Variants in PDE8A observed in about 807,000 individuals in gnomAD.
The protein encoded by PDE8A is phosphodiesterase 8A, also known as high affinity cAMP-specific and IBMX-insensitive 3',5'-cyclic phosphodiesterase 8A.
A neutral mutation model predicts 105.0 loss-of-function variants in PDE8A; 59 were observed. That is an observed-to-expected ratio of 0.56 (90% CI 0.46 to 0.70). PDE8A has a LOEUF of 0.70. Ranked by LOEUF, PDE8A falls within the 30% of genes least tolerant of loss-of-function variation. The pLI is 0.00. For synonymous variants in PDE8A, 355 were observed against 371.9 expected, an observed-to-expected ratio of 0.95 and a Z score of 0.52; for missense variants, 1,014 against 1,045.9, an observed-to-expected ratio of 0.97 and a Z score of 0.42.
chr15:85,047,476 T>C (rs1435561799), intron 1 of PDE8A, among the ~76,000 whole-genome samples: 2 of 152,196 alleles, frequency 1.3e-5, no homozygotes, highest in African/African-American at 4.8e-5. Flanking sequence ...ATATACCCCG[T>C]AGACAGGATG....
chr15:85,122,958 T>C (rs2082204139), intron 18 of PDE8A, 103 bp from the exon 19 acceptor site: 2 of 1,181,326 alleles, frequency 1.7e-6, no homozygotes, highest in Admixed American at 2.1e-5. Flanking sequence ...ATTAGATTTA[T>C]AGCTGCAGAG....
chr15:85,038,953 C>T (rs928867011), intron 1 of PDE8A, among the ~76,000 whole-genome samples: 1 of 152,070 alleles, frequency 6.6e-6, no homozygotes, highest in African/African-American at 2.4e-5. Context: ...GAAACCCCGT[C>T]TCTACTAAAG....
chr15:85,015,320 G>T (rs562071672), intron 1 of PDE8A, among the ~76,000 whole-genome samples: 1 of 151,346 alleles, frequency 6.6e-6, no homozygotes, highest in Admixed American at 6.6e-5. Context: ...TCGACCTCCC[G>T]GGCTCAGGTG....
chr15:85,090,861 T>G (rs1208875040), intron 7 of PDE8A, 183 bp from the exon 8 acceptor site: 3 of 664,332 alleles, frequency 4.5e-6, no homozygotes, highest in Non-Finnish European at 8.3e-6. Flanking sequence ...CAGAAGCTCG[T>G]CTGGGCTCCA....
chr15:85,126,495 C>A, intron 20 of PDE8A, 121 bp downstream of exon 20: 1 of 693,150 alleles, frequency 1.4e-6, no homozygotes, highest in Non-Finnish European at 2.1e-6. Flanking sequence ...CCTTGTTTTG[C>A]AAGGTAACAA....
chr15:85,106,426 A>C (rs1390447892), intron 11 of PDE8A, among the ~76,000 whole-genome samples: 1 of 152,078 alleles, frequency 6.6e-6, no homozygotes, highest in African/African-American at 2.4e-5. Context: ...TCACCTCCCT[A>C]ATGCCTAGCT....
intron 1 of PDE8A, among the ~76,000 whole-genome samples, chr15:85,004,511 C>A (rs542929283): frequency 6.6e-6 from 1 of 152,344 alleles, no homozygotes; most frequent in East Asian, 1.9e-4. Context: ...TTGTGAAGTC[C>A]TACCAAACCT....
chr15:85,017,452 T>G (rs1012384620), intron 1 of PDE8A, among the ~76,000 whole-genome samples: 3 of 84,790 alleles, frequency 3.5e-5, no homozygotes, highest in Non-Finnish European at 9.2e-5. Flanking sequence ...AGTCTCTTAT[T>G]GCATTGGATA....
intron 1 of PDE8A, among the ~76,000 whole-genome samples, chr15:85,015,961 C>T (rs1233268270): frequency 6.6e-6 from 1 of 152,074 alleles, no homozygotes; most frequent in East Asian, 1.9e-4. Flanking sequence ...CATGGCAAAA[C>T]CTCGTCTCTA....
intron 11 of PDE8A, among the ~76,000 whole-genome samples, chr15:85,102,832 T>G (rs1055197797): frequency 1.7e-5 from 2 of 117,282 alleles, no homozygotes; most frequent in Non-Finnish European, 1.8e-5. Flanking sequence ...AGAGTGAAAC[T>G]CCATCTCAAA....
intron 12 of PDE8A, among the ~76,000 whole-genome samples, chr15:85,110,825 C>G (rs372049802): frequency 3.9e-5 from 6 of 152,286 alleles, no homozygotes; most frequent in African/African-American, 1.4e-4. Flanking sequence ...GCAAATGGTG[C>G]TCTCCAGTTT....
At chr15:85,043,193 A>G (rs965471138) in intron 1 of PDE8A, among the ~76,000 whole-genome samples, 2 of 152,220 alleles carry the variant, frequency 1.3e-5, no homozygotes, top group East Asian at 1.9e-4. Context: ...CTAATTTGTT[A>G]ATCAATTGAT....
intron 1 of PDE8A, among the ~76,000 whole-genome samples, chr15:85,038,184 A>C (rs1202478060): frequency 1.3e-5 from 2 of 151,490 alleles, no homozygotes; most frequent in African/African-American, 4.9e-5. Context: ...TATTAGTGTC[A>C]TCTAACTCTG....
intron 1 of PDE8A, among the ~76,000 whole-genome samples, chr15:85,044,649 C>G (rs574451503): frequency 2.6e-5 from 4 of 152,224 alleles, no homozygotes; most frequent in Admixed American, 1.3e-4. Context: ...CCTGATCACT[C>G]TCTCCAAAAC....
At chr15:85,108,303 A>G (rs577835954) in intron 11 of PDE8A, among the ~76,000 whole-genome samples, 1 of 152,154 alleles carries the variant, frequency 6.6e-6, no homozygotes, top group African/African-American at 2.4e-5. Context: ...CAGAGAAGCT[A>G]CTCCATGGCT....
At chr15:85,127,344 A>G (rs2082272695) in intron 20 of PDE8A, among the ~76,000 whole-genome samples, 1 of 152,202 alleles carries the variant, frequency 6.6e-6, no homozygotes, top group African/African-American at 2.4e-5. Flanking sequence ...GACAAAGGAG[A>G]GAGAGGTTTA....
At chr15:85,126,635 A>G (rs2082263084) in intron 20 of PDE8A, among the ~76,000 whole-genome samples, 2 of 151,846 alleles carry the variant, frequency 1.3e-5, no homozygotes, top group African/African-American at 4.8e-5. Flanking sequence ...TTAAGGAGTC[A>G]TCTGGTCTTC....
intron 5 of PDE8A, among the ~76,000 whole-genome samples, chr15:85,078,787 G>T (rs539763401): frequency 6.6e-6 from 1 of 152,258 alleles, no homozygotes; most frequent in African/African-American, 2.4e-5. Flanking sequence ...AAAATGGTCT[G>T]TATAGGGTAA....
intron 20 of PDE8A, among the ~76,000 whole-genome samples, chr15:85,131,338 A>C (rs1332923536): frequency 1.3e-5 from 2 of 152,186 alleles, no homozygotes; most frequent in Non-Finnish European, 2.9e-5. Context: ...TATGTCTTAC[A>C]GCTTTTTTGT....
Sources: gnomAD v4.1 joint callset for allele counts (sites outside exome capture counted in the v4.1 genomes callset) on GRCh38, gnomAD v4.1.1 for gene constraint, MANE v1.5 for transcripts, NCBI Gene and HGNC (gene_info 2026-07-23, HGNC 2026-07-21) for gene names.